NRG3: variants seen among roughly 807,000 people sequenced by gnomAD.
NRG3 encodes the protein pro-neuregulin-3, membrane-bound isoform.
NRG3 carries 31 observed loss-of-function variants against 66.9 expected under a neutral mutation model. That is an observed-to-expected ratio of 0.46 (90% CI 0.35 to 0.63). NRG3 has a LOEUF of 0.63. Ranked by LOEUF, NRG3 falls within the 20% of genes least tolerant of loss-of-function variation. NRG3 has a pLI of 0.00. For missense variants in NRG3, 910 were observed against 878.9 expected (o/e 1.04, Z -0.45); for synonymous variants, 393 against 359.4 (o/e 1.09, Z -1.06).
chr10:82,865,516 C>A, intron 4 of NRG3, 79 bp downstream of exon 4: 1 of 1,405,046 alleles, frequency 7.1e-7, no homozygotes, highest in Non-Finnish European at 9.9e-7. Context: ...CCTTCTCCAT[C>A]TGGTTATAAT....
chr10:82,602,029 GC>G, intron 2 of NRG3, among the ~76,000 whole-genome samples: 1 of 151,204 alleles, frequency 6.6e-6, no homozygotes, highest in Middle Eastern at 3.5e-3. Flanking sequence ...GCTGCAGTGA[GC>G]TATGATCATG....
intron 3 of NRG3, among the ~76,000 whole-genome samples, chr10:82,768,896 A>G (rs1262790384): frequency 6.6e-6 from 1 of 152,108 alleles, no homozygotes; most frequent in Non-Finnish European, 1.5e-5. Context: ...TTTAAACTCA[A>G]CCCTCAAGCA....
intron 2 of NRG3, among the ~76,000 whole-genome samples, chr10:82,401,589 A>G (rs558153834): frequency 8.5e-5 from 13 of 152,254 alleles, no homozygotes; most frequent in African/African-American, 2.6e-4. Flanking sequence ...ACCCGGATAT[A>G]GGACACTTAG....
At chr10:82,021,594 A>T (rs757193751) in intron 1 of NRG3, among the ~76,000 whole-genome samples, 1 of 152,128 alleles carries the variant, frequency 6.6e-6, no homozygotes, top group Non-Finnish European at 1.5e-5. Context: ...CTCACTTCAA[A>T]TATAACTTTG....
intron 1 of NRG3, among the ~76,000 whole-genome samples, chr10:82,315,005 T>G (rs1336723135): frequency 6.6e-6 from 1 of 152,180 alleles, no homozygotes. Context: ...TGTATATGTG[T>G]GTGTCTATTT....
chr10:82,908,019 C>T (rs184551597), intron 4 of NRG3, among the ~76,000 whole-genome samples: 1 of 152,192 alleles, frequency 6.6e-6, no homozygotes, highest in Non-Finnish European at 1.5e-5. Context: ...TTTATGAAGA[C>T]ATTATGGATA....
At chr10:82,331,907 G>A (rs370717746) in intron 1 of NRG3, among the ~76,000 whole-genome samples, 1 of 152,236 alleles carries the variant, frequency 6.6e-6, no homozygotes, top group Non-Finnish European at 1.5e-5. Context: ...TGGATGCCAA[G>A]GAGTGTGCAT....
chr10:82,855,951 C>T (rs1011473926), intron 3 of NRG3, among the ~76,000 whole-genome samples: 1 of 152,034 alleles, frequency 6.6e-6, no homozygotes, highest in Admixed American at 6.6e-5. Flanking sequence ...ATGAGTTGGA[C>T]CCTGTTGGAT....
chr10:81,877,707 A>G, intron 1 of NRG3: 2 of 1,324,346 alleles, frequency 1.5e-6, no homozygotes, highest in Non-Finnish European at 1.9e-6. Flanking sequence ...GGAAGGAAGG[A>G]ATCTGCCACA....
At chr10:82,393,321 T>A (rs1410718543) in intron 2 of NRG3, among the ~76,000 whole-genome samples, 1 of 152,120 alleles carries the variant, frequency 6.6e-6, no homozygotes, top group Non-Finnish European at 1.5e-5. Flanking sequence ...CTCATCTCAC[T>A]TTCAAAGACC....
At chr10:82,584,698 A>G (rs974615238) in intron 2 of NRG3, among the ~76,000 whole-genome samples, 8 of 152,180 alleles carry the variant, frequency 5.3e-5, no homozygotes, top group Non-Finnish European at 8.8e-5. Flanking sequence ...CTTAATAATC[A>G]AAACATAATT....
intron 1 of NRG3, chr10:82,232,854 T>C (rs762971567): frequency 2.8e-6 from 2 of 717,088 alleles, no homozygotes; most frequent in African/African-American, 1.7e-5. Context: ...TTGGGGTTTC[T>C]GAGAGAAGGG....
At chr10:82,343,090 T>C (rs1205011382) in intron 1 of NRG3, among the ~76,000 whole-genome samples, 1 of 152,044 alleles carries the variant, frequency 6.6e-6, no homozygotes, top group Non-Finnish European at 1.5e-5. Context: ...GTATGTGGCT[T>C]TATCAAATCT....
At chr10:82,918,710 G>T (rs1410758858) in intron 4 of NRG3, among the ~76,000 whole-genome samples, 1 of 152,126 alleles carries the variant, frequency 6.6e-6, no homozygotes, top group Non-Finnish European at 1.5e-5. Context: ...CTAAGGAAAA[G>T]TCCTGATATC....
At chr10:81,918,585 G>A (rs1845923346) in intron 1 of NRG3, among the ~76,000 whole-genome samples, 1 of 152,118 alleles carries the variant, frequency 6.6e-6, no homozygotes, top group African/African-American at 2.4e-5. Context: ...AGCATAAAGG[G>A]AAGCCATTTT....
chr10:81,991,106 A>G (rs939329524), intron 1 of NRG3, among the ~76,000 whole-genome samples: 1 of 152,144 alleles, frequency 6.6e-6, no homozygotes, highest in African/African-American at 2.4e-5. Flanking sequence ...ACCTATGTCC[A>G]TAGAACCAGG....
chr10:82,957,160 T>C lies in NRG3; in HGVS notation c.1158-1789T>C, dbSNP rs182192612. On this transcript the variant is annotated intron_variant, in intron 5 of 8. Transcript: ENST00000372141. ...TTGCTTGATGGTATCGGGAAAGATATGAACATTTTGCGTGTGCCTCCACAT... is the reference window on the plus strand; with the variant it reads ...TTGCTTGATGGTATCGGGAAAGATACGAACATTTTGCGTGTGCCTCCACAT... Among the ~76,000 whole-genome samples the C allele has an allele frequency of 3.0e-3, 452 of 152,076 alleles. 2 individuals are homozygous for C. Among genetic ancestry groups the C allele is most frequent in the Middle Eastern group, 0.02 (6 of 294 alleles).
At chr10:82,392,022 C>A (rs1358590174) in intron 2 of NRG3, among the ~76,000 whole-genome samples, 24 of 123,120 alleles carry the variant, frequency 1.9e-4, no homozygotes, top group Admixed American at 6.8e-4. Context: ...AAAAAAAAAA[C>A]CCACGAAACT....
At chr10:82,428,463 T>C (rs1312473909) in intron 2 of NRG3, among the ~76,000 whole-genome samples, 2 of 151,932 alleles carry the variant, frequency 1.3e-5, no homozygotes, top group Non-Finnish European at 2.9e-5. Context: ...TATTTAACAG[T>C]GTGGGTTTTG....
Sources: gnomAD v4.1 joint callset for allele counts (sites outside exome capture counted in the v4.1 genomes callset) on GRCh38, gnomAD v4.1.1 for gene constraint, MANE v1.5 for transcripts, NCBI Gene and HGNC (gene_info 2026-07-23, HGNC 2026-07-21) for gene names.